POLR2B: variants seen among roughly 807,000 people sequenced by gnomAD.
The protein encoded by POLR2B is RNA polymerase II subunit B, also known as DNA-directed RNA polymerase II subunit RPB2.
A neutral mutation model predicts 144.6 loss-of-function variants in POLR2B; 57 were observed. That is an observed-to-expected ratio of 0.39 (90% CI 0.32 to 0.49). The LOEUF is 0.49. Ranked by LOEUF, POLR2B falls within the 20% of genes least tolerant of loss-of-function variation. The pLI is 0.83. For missense variants in POLR2B, 595 were observed against 1,467.4 expected (o/e 0.41, Z 9.71); for synonymous variants, 442 against 469.8 (o/e 0.94, Z 0.77).
chr4:56,999,285 TG>T (rs1722784159), intron 6 of POLR2B, among the ~76,000 whole-genome samples: 1 of 149,418 alleles, frequency 6.7e-6, no homozygotes, highest in South Asian at 2.1e-4. Flanking sequence ...GGGGATAGGT[TG>T]GGGAGGGTGA....
rs939194985 is a variant in POLR2B at position 57,017,341 on chromosome 4, T to C, written c.2154+100T>C. 1 of 917,284 alleles carries C rather than the reference T, an allele frequency of 1.1e-6. No homozygotes were observed. The highest frequency in any genetic ancestry group is 1.7e-5 in the African/African-American group (1 of 60,300). 56.8% of individuals were successfully genotyped at this position (917,284 alleles called of 1,614,324 possible). On this transcript the variant is annotated intron_variant, in intron 15 of 24. Transcript: ENST00000314595. This position sits in a 1 kb window ranked among gnomAD's most constrained non-coding sequence, Gnocchi z 4.8. ...TATCTGGAGGGAAAAAGCCTTTTAATGAAAAGGCTATTAACTCCTACGGAA... is the reference window on the plus strand; with the variant it reads ...TATCTGGAGGGAAAAAGCCTTTTAACGAAAAGGCTATTAACTCCTACGGAA...
chr4:57,009,195 T>C (rs1723116203), intron 10 of POLR2B, among the ~76,000 whole-genome samples: 1 of 152,184 alleles, frequency 6.6e-6, no homozygotes, highest in South Asian at 2.1e-4. Context: ...CTCCAATGAG[T>C]ACAGAAAAGA....
At chr4:57,014,512 T>G (rs1723304488) in intron 13 of POLR2B, among the ~76,000 whole-genome samples, 1 of 147,022 alleles carries the variant, frequency 6.8e-6, no homozygotes, top group East Asian at 2.0e-4. Context: ...TTCTTTTTTT[T>G]TTTTTTTTGA....
At position 57,015,600 on chromosome 4, in the gene POLR2B, A is replaced by G. The variant is rs763487111; in HGVS notation, c.1899A>G (p.Leu633=). ...RPLLIVEKQK[L]LLKKRHIDQL... is the part of the protein sequence containing the mutation. ...TTCTGATTGTGGAAAAACAAAAGCT[A>G]CTTTTGAAGAAGAGGCATATTGACC... The change falls in exon 14 of 25, where the codon CTA becomes CTG. Residue 633 remains leucine, a synonymous_variant. Transcript: ENST00000314595. 29 of 1,519,196 alleles carry G rather than the reference A, an allele frequency of 1.9e-5. No individual in the cohort carries two copies. Among genetic ancestry groups the G allele is most frequent in the Non-Finnish European group, 2.4e-5 (27 of 1,122,414 alleles). The allele number at this position is 1,519,196 out of a possible 1,614,324, so 94.1% of individuals were successfully genotyped here. A position where few individuals can be genotyped will look rare whatever the true frequency, so the allele number is the denominator to read the frequency against.
At chr4:57,022,019 T>C (rs565043024) in intron 17 of POLR2B, 133 bp from the exon 18 acceptor site, 4 of 612,372 alleles carry the variant, frequency 6.5e-6, no homozygotes, top group African/African-American at 1.9e-5. Flanking sequence ...AGATCCTTAA[T>C]GCAGTTACTC....
At chr4:56,984,731 T>A (rs1347757330) in intron 1 of POLR2B, among the ~76,000 whole-genome samples, 2 of 152,200 alleles carry the variant, frequency 1.3e-5, no homozygotes, top group African/African-American at 4.8e-5. Context: ...TTTGTATATG[T>A]ATCAAATTTT....
intron 3 of POLR2B, among the ~76,000 whole-genome samples, chr4:56,992,849 A>G (rs1320939974): frequency 6.6e-6 from 1 of 151,780 alleles, no homozygotes; most frequent in Non-Finnish European, 1.5e-5. Context: ...GGGCTTCTCT[A>G]TTTTTAATAG....
At chr4:56,980,015 C>A (rs564310794) in intron 1 of POLR2B, among the ~76,000 whole-genome samples, 1 of 152,180 alleles carries the variant, frequency 6.6e-6, no homozygotes, top group African/African-American at 2.4e-5. Flanking sequence ...CCTTGGCCAC[C>A]CCCTACATCT....
At chr4:56,981,639 A>G (rs1335080599) in intron 1 of POLR2B, among the ~76,000 whole-genome samples, 4 of 152,234 alleles carry the variant, frequency 2.6e-5, no homozygotes, top group African/African-American at 9.6e-5. Context: ...CGTCCTCATC[A>G]GTTTTCAGTC....
At chr4:57,004,469 C>A (rs1287212347) in intron 7 of POLR2B, among the ~76,000 whole-genome samples, 1 of 151,902 alleles carries the variant, frequency 6.6e-6, no homozygotes, top group Non-Finnish European at 1.5e-5. Flanking sequence ...TGGACTCAAG[C>A]CATCCTCCTG....
chr4:56,996,906 A>T (rs1033617626), intron 6 of POLR2B, among the ~76,000 whole-genome samples: 2 of 152,034 alleles, frequency 1.3e-5, no homozygotes, highest in South Asian at 4.2e-4. Context: ...GCAACATGGC[A>T]AAACACTTTC....
chr4:57,018,092 T>C (rs1222542393), intron 16 of POLR2B, among the ~76,000 whole-genome samples: 2 of 152,180 alleles, frequency 1.3e-5, no homozygotes, highest in African/African-American at 4.8e-5. Context: ...ACGGTACAGT[T>C]AGTCATGTCA....
At position 57,010,444 on chromosome 4, in the gene POLR2B, A is replaced by C; in HGVS notation, c.1488A>C (p.Ala496=). Reference sequence around the variant, plus strand: ...CTATTGGTAGAGACGGCAAGCTAGCAAAACCAAGACAGTTGCATAATACGT... The same window carrying C: ...CTATTGGTAGAGACGGCAAGCTAGCCAAACCAAGACAGTTGCATAATACGT... ...NSPIGRDGKL[A]KPRQLHNTLW... The change falls in exon 11 of 25, where the codon GCA becomes GCC. Residue 496 remains alanine (A), a synonymous_variant. Coordinates refer to ENST00000314595, the MANE Select transcript of POLR2B (RefSeq NM_000938.3). 1.2e-6 allele frequency: 2 copies of C among 1,614,132 alleles called. No homozygotes were observed. The highest frequency in any genetic ancestry group is 1.7e-6 in the Non-Finnish European group (2 of 1,179,998).
chr4:56,995,438 T>C, intron 6 of POLR2B, 29 bp downstream of exon 6: 1 of 1,525,138 alleles, frequency 6.6e-7, no homozygotes, highest in Non-Finnish European at 8.9e-7. Flanking sequence ...GCTATTTGGG[T>C]TTATTCCTTT....
chr4:57,025,543 A>G lies in POLR2B; in HGVS notation c.3239+6A>G. 6.5e-7 allele frequency: 1 copy of G among 1,529,758 alleles called. No individual in the cohort carries two copies. Among genetic ancestry groups the G allele is most frequent in the Non-Finnish European group, 8.9e-7 (1 of 1,118,928 alleles). 94.8% of individuals were successfully genotyped at this position (1,529,758 alleles called of 1,614,324 possible). ...CCCATGGAGGGTAGATCTCGGTAAG[A>G]ACTGTATCATCATCATTATTATTAA... On this transcript the variant is annotated splice_donor_region_variant and intron_variant, in intron 23 of 24. Coordinates refer to ENST00000314595, the MANE Select transcript of POLR2B (RefSeq NM_000938.3).
chr4:57,012,373 C>T (rs1409943276), intron 13 of POLR2B, among the ~76,000 whole-genome samples: 2 of 151,544 alleles, frequency 1.3e-5, no homozygotes, highest in African/African-American at 4.9e-5. Context: ...CCATTGTACT[C>T]CAGCCTGGGT....
chr4:57,023,442 T>G lies in POLR2B; in HGVS notation c.2628T>G (p.Asn876Lys), dbSNP rs759045971. ...GCAAAACAGTCACCTTGCCTGAAAA[T>G]GAAGATGAATTGGAGAGCACCAATA... ...IIGKTVTLPE[N>K]EDELESTNRR... Residue 876 changes from asparagine (N) to lysine (K), a missense_variant, in exon 19 of 25, where the codon AAT becomes AAG. Asn to Lys is a moderately conservative substitution (Grantham distance 94). This residue lies in a region of POLR2B where 75 missense variants were observed against 100.0 expected (regional missense o/e 0.75). Coordinates refer to ENST00000314595, the MANE Select transcript of POLR2B (RefSeq NM_000938.3). The surrounding 1 kb of genome is among the most constrained non-coding windows in gnomAD (Gnocchi z 4.3). The G allele has an allele frequency of 6.2e-7, 1 of 1,613,896 alleles. No individual in the cohort carries two copies. Among genetic ancestry groups the G allele is most frequent in the East Asian group, 2.2e-5 (1 of 44,862 alleles).
At position 56,995,364 on chromosome 4, in the gene POLR2B, A is replaced by C. The variant is rs1423123353; in HGVS notation, c.690A>C (p.Arg230=). The C allele has an allele frequency of 1.9e-6, 3 of 1,609,852 alleles. No homozygotes were observed. The highest frequency in any genetic ancestry group is 2.5e-6 in the Non-Finnish European group (3 of 1,177,774). The change falls in exon 6 of 25, where the codon CGA becomes CGC. Residue 230 remains arginine (R), a synonymous_variant. Coordinates refer to ENST00000314595, the MANE Select transcript of POLR2B (RefSeq NM_000938.3). ...GATCATGTCTTGAGAATTCTTCCCG[A>C]CCCACCAGTACTATATGGGTTAGCA... The part of the protein sequence containing the change: ...ECRSCLENSS[R]PTSTIWVSML...
intron 13 of POLR2B, among the ~76,000 whole-genome samples, chr4:57,012,288 C>G (rs758054785): frequency 3.3e-5 from 5 of 152,014 alleles, no homozygotes; most frequent in Non-Finnish European, 7.4e-5. Flanking sequence ...GCCTGTAGTC[C>G]CAGCTACTCG....
Sources: gnomAD v4.1 joint callset for allele counts (sites outside exome capture counted in the v4.1 genomes callset) on GRCh38, gnomAD v4.1.1 for gene constraint, gnomAD v4.1.1 regional missense constraint, Gnocchi (gnomAD v3.1) non-coding constraint, MANE v1.5 for transcripts, NCBI Gene and HGNC (gene_info 2026-07-23, HGNC 2026-07-21) for gene names.